ZMYND11: variants seen among roughly 807,000 people sequenced by gnomAD.
ZMYND11 encodes the protein zinc finger MYND domain-containing protein 11.
ZMYND11 carries 9 observed loss-of-function variants against 84.9 expected under a neutral mutation model. That is an observed-to-expected ratio of 0.11 (90% CI 0.06 to 0.18). The LOEUF is 0.18. Among genes scored for constraint, ZMYND11 ranks in the 10% least tolerant of loss-of-function variants. ZMYND11 has a pLI of 1.00. For missense variants in ZMYND11, 409 were observed against 761.0 expected (o/e 0.54, Z 5.44); for synonymous variants, 250 against 244.1 (o/e 1.02, Z -0.23).
chr10:197,962 C>G (rs903758895), intron 2 of ZMYND11: 1 of 658,338 alleles, frequency 1.5e-6, no homozygotes, highest in African/African-American at 1.8e-5. Flanking sequence ...TACATCATTA[C>G]ACAGATATGT....
At chr10:195,019 A>G (rs1941394281) in intron 2 of ZMYND11, among the ~76,000 whole-genome samples, 1 of 152,236 alleles carries the variant, frequency 6.6e-6, no homozygotes, top group African/African-American at 2.4e-5. Context: ...CTAAGGGGAA[A>G]GAGAAGATCT....
intron 4 of ZMYND11, among the ~76,000 whole-genome samples, chr10:222,430 A>G (rs895202843): frequency 2.0e-5 from 3 of 152,158 alleles, no homozygotes; most frequent in Non-Finnish European, 2.9e-5. Flanking sequence ...TTGCCACTCA[A>G]ATGCCTAGGT....
chr10:192,160 T>G (rs1209708631), intron 2 of ZMYND11, among the ~76,000 whole-genome samples: 1 of 152,226 alleles, frequency 6.6e-6, no homozygotes, highest in Non-Finnish European at 1.5e-5. Context: ...GGTGCCTGTA[T>G]GTGTCATCTG....
chr10:247,318 G>T (rs1952352800), intron 11 of ZMYND11, 80 bp from the exon 12 acceptor site: 1 of 1,471,472 alleles, frequency 6.8e-7, no homozygotes, highest in African/African-American at 1.4e-5. Flanking sequence ...CTTCTCACCT[G>T]TGGGTCCACT....
intron 1 of ZMYND11, among the ~76,000 whole-genome samples, chr10:145,403 G>A (rs1219872282): frequency 2.0e-5 from 3 of 152,080 alleles, no homozygotes; most frequent in African/African-American, 7.2e-5. Flanking sequence ...TTTCCTGTGG[G>A]TAGATGCCCA....
At chr10:161,153 C>A (rs1842874030) in intron 1 of ZMYND11, among the ~76,000 whole-genome samples, 1 of 151,882 alleles carries the variant, frequency 6.6e-6, no homozygotes, top group Non-Finnish European at 1.5e-5. Context: ...CAGTGGGCTG[C>A]AGAAGGGATG....
At chr10:209,119 A>G (rs1041335588) in intron 2 of ZMYND11, among the ~76,000 whole-genome samples, 1 of 152,132 alleles carries the variant, frequency 6.6e-6, no homozygotes, top group Non-Finnish European at 1.5e-5. Flanking sequence ...ATCCAACTTT[A>G]TAACATTTAT....
rs1332316896 is a variant in ZMYND11 at position 252,868 on chromosome 10, TAAAA to T, written c.*399_*402del. Reference sequence around the variant, plus strand: ...AAGAACTACAGAACTGTTTCAGAAATAAAACATACTACCTTGATGTGACATTTTT... The same window carrying T: ...AAGAACTACAGAACTGTTTCAGAAATCATACTACCTTGATGTGACATTTTT... On this transcript the variant is annotated 3_prime_UTR_variant, in exon 15 of 15. Coordinates refer to ENST00000381604, the MANE Select transcript of ZMYND11 (RefSeq NM_001370100.5). This position sits in a 1 kb window ranked among gnomAD's most constrained non-coding sequence, Gnocchi z 4.6. The T allele has an allele frequency of 6.1e-6, 1 of 163,534 alleles. No individual in the cohort carries two copies. Among genetic ancestry groups the T allele is most frequent in the African/African-American group, 2.4e-5 (1 of 41,528 alleles). 10.1% of individuals were successfully genotyped at this position (163,534 alleles called of 1,614,324 possible). A position where few individuals can be genotyped will look rare whatever the true frequency, so the allele number is the denominator to read the frequency against.
At chr10:131,769 C>T (rs1554749982), upstream of ZMYND11, among the ~76,000 whole-genome samples, 1 of 152,016 alleles carries the variant, frequency 6.6e-6, no homozygotes, top group Non-Finnish European at 1.5e-5. Flanking sequence ...CCCAAGTGTA[C>T]CTCCCGCCTT....
At chr10:158,991 G>T (rs66529009) in intron 1 of ZMYND11, among the ~76,000 whole-genome samples, 42,597 of 57,788 alleles carry the variant, frequency 0.74, 15,330 homozygotes, top group South Asian at 0.84. Context: ...TTTGTTTTTT[G>T]TTTTTTTTTT....
At chr10:250,538 A>C (rs1383392151) in intron 14 of ZMYND11, among the ~76,000 whole-genome samples, 1 of 152,016 alleles carries the variant, frequency 6.6e-6, no homozygotes, top group Non-Finnish European at 1.5e-5. Flanking sequence ...TTTACTAAAG[A>C]ATCAAGAAAA....
chr10:144,022 C>A (rs1458213290), intron 1 of ZMYND11, among the ~76,000 whole-genome samples: 1 of 135,694 alleles, frequency 7.4e-6, no homozygotes, highest in African/African-American at 2.7e-5. Flanking sequence ...AAAAAAAAAA[C>A]TGCCATTTGA....
At chr10:231,026 A>G (rs756550488) in intron 4 of ZMYND11, among the ~76,000 whole-genome samples, 1 of 152,204 alleles carries the variant, frequency 6.6e-6, no homozygotes, top group Non-Finnish European at 1.5e-5. Context: ...AAAATGACAA[A>G]TAATACTTTG....
At chr10:191,818 A>G (rs1940500419) in intron 2 of ZMYND11, among the ~76,000 whole-genome samples, 1 of 152,150 alleles carries the variant, frequency 6.6e-6, no homozygotes. Flanking sequence ...TTGTCTCAGC[A>G]TCATTCAACC....
At chr10:146,145 C>G (rs1158353607) in intron 1 of ZMYND11, among the ~76,000 whole-genome samples, 1 of 152,060 alleles carries the variant, frequency 6.6e-6, no homozygotes, top group Non-Finnish European at 1.5e-5. Context: ...GTGTCCTTTC[C>G]CCAATTTTGT....
chr10:173,852 A>T (rs1419713877), intron 1 of ZMYND11, among the ~76,000 whole-genome samples: 1 of 152,220 alleles, frequency 6.6e-6, no homozygotes, highest in Non-Finnish European at 1.5e-5. Flanking sequence ...AACATCAATG[A>T]GGTATTACCA....
chr10:243,813 A>G (rs1207219129), intron 10 of ZMYND11, among the ~76,000 whole-genome samples: 1 of 152,146 alleles, frequency 6.6e-6, no homozygotes, highest in Non-Finnish European at 1.5e-5. Context: ...TGCAGTGAGC[A>G]GAGACTGTGC....
chr10:239,019 ACAGAGG>A, intron 6 of ZMYND11, among the ~76,000 whole-genome samples: 1 of 152,178 alleles, frequency 6.6e-6, no homozygotes, highest in Non-Finnish European at 1.5e-5. Context: ...GTAAACTGTC[ACAGAGG>A]CTAACAGTTC....
intron 14 of ZMYND11, chr10:249,859 T>A (rs1953001099): frequency 1.2e-6 from 1 of 836,520 alleles, no homozygotes; most frequent in Non-Finnish European, 1.4e-6. Context: ...GAAATATTTT[T>A]AAATCTGTGA....
Sources: allele counts gnomAD v4.1 joint callset (sites outside exome capture counted in the v4.1 genomes callset), GRCh38; gene constraint gnomAD v4.1.1; non-coding constraint Gnocchi (gnomAD v3.1); transcripts MANE v1.5; gene names NCBI Gene and HGNC (gene_info 2026-07-23, HGNC 2026-07-21).